SLC4A4: variants seen among roughly 807,000 people sequenced by gnomAD.
SLC4A4 encodes solute carrier family 4 member 4.
A neutral mutation model predicts 111.5 loss-of-function variants in SLC4A4; 27 were observed. The ratio of observed to expected loss-of-function variants is 0.24; its 90% CI spans 0.18 to 0.33. The LOEUF is 0.33. Among genes scored for constraint, SLC4A4 ranks in the 10% least tolerant of loss-of-function variants. SLC4A4 has a pLI of 1.00. For missense variants in SLC4A4, 909 were observed against 1,315.5 expected (o/e 0.69, Z 4.78); for synonymous variants, 443 against 463.4 (o/e 0.96, Z 0.57).
chr4:71,561,691 G>C (rs963746377), intron 23 of SLC4A4, among the ~76,000 whole-genome samples: 2 of 151,742 alleles, frequency 1.3e-5, no homozygotes, highest in Non-Finnish European at 3.0e-5. Flanking sequence ...GACAGAAAAA[G>C]AATGTGTTTA....
chr4:71,221,097 C>T (rs1360874256), intron 1 of SLC4A4, among the ~76,000 whole-genome samples: 6 of 152,264 alleles, frequency 3.9e-5, no homozygotes, highest in African/African-American at 7.2e-5. Flanking sequence ...TTGGTACCAC[C>T]CTTTCTTTAT....
intron 9 of SLC4A4, among the ~76,000 whole-genome samples, chr4:71,448,103 TGAGGTCAGGAGTTC>T (rs1725399877): frequency 6.6e-6 from 1 of 152,132 alleles, no homozygotes; most frequent in Non-Finnish European, 1.5e-5. Context: ...GCAGATCACC[TGAGGTCAGGAGTTC>T]GAGACCAGCC....
intron 2 of SLC4A4, among the ~76,000 whole-genome samples, chr4:71,109,774 C>T (rs1423779376): frequency 6.6e-6 from 1 of 152,014 alleles, no homozygotes; most frequent in African/African-American, 2.4e-5. Flanking sequence ...AAACCCTGAC[C>T]CCAAGTGATC....
At chr4:71,132,352 A>G (rs1168624107) in intron 2 of SLC4A4, among the ~76,000 whole-genome samples, 1 of 152,194 alleles carries the variant, frequency 6.6e-6, no homozygotes, top group African/African-American at 2.4e-5. Context: ...CTCAGCTCAA[A>G]GAAAGCTGCA....
intron 5 of SLC4A4, among the ~76,000 whole-genome samples, chr4:71,353,728 T>A (rs945427492): frequency 6.6e-6 from 1 of 152,152 alleles, no homozygotes; most frequent in African/African-American, 2.4e-5. Flanking sequence ...CACCCCAATT[T>A]TATATCAACA....
At position 71,357,086 on chromosome 4, in the gene SLC4A4, G is replaced by A. The variant is rs964627894; in HGVS notation, c.629G>A (p.Arg210Gln). The change falls in exon 6 of 26, where the codon CGG (arginine) becomes CAG (glutamine). Residue 210 changes from arginine (R) to glutamine (Q), a missense_variant. Arg to Gln is a conservative substitution (Grantham distance 43, BLOSUM62 1). Coordinates refer to ENST00000264485, the MANE Select transcript of SLC4A4 (RefSeq NM_001098484.3). ...LKDKVTYTLL[R>Q]KHRHQTKKSN... Reference sequence around the variant, plus strand: ...GATAAGGTGACCTATACTTTGCTCCGGAAGCACCGGCATCAAACCAAGAAA... The same window carrying A: ...GATAAGGTGACCTATACTTTGCTCCAGAAGCACCGGCATCAAACCAAGAAA... 3.1e-6 allele frequency: 5 copies of A among 1,614,044 alleles called. No individual in the cohort carries two copies. The highest frequency in any genetic ancestry group is 3.3e-5 in the Admixed American group (2 of 60,002).
chr4:71,477,630 A>G (rs185297835), intron 14 of SLC4A4, among the ~76,000 whole-genome samples: 2 of 151,968 alleles, frequency 1.3e-5, no homozygotes, highest in East Asian at 3.9e-4. Flanking sequence ...AAAAGGCTTT[A>G]AAGTCTAGGG....
At chr4:71,563,715 C>T (rs958080420) in intron 23 of SLC4A4, 78 bp from the exon 24 acceptor site, 71 of 897,840 alleles carry the variant, frequency 7.9e-5, no homozygotes, top group East Asian at 4.3e-4. Context: ...TTATAGAAAA[C>T]GGTTTGATCG....
intron 2 of SLC4A4, among the ~76,000 whole-genome samples, chr4:71,180,697 A>G (rs2148987510): frequency 6.6e-6 from 1 of 152,332 alleles, no homozygotes; most frequent in Non-Finnish European, 1.5e-5. Context: ...AAGTCAGGAA[A>G]CAACAGGTGC....
In SLC4A4 at chr4:71,231,300, C is replaced by T. The variant is rs561562122; in HGVS notation, c.-1-5276C>T. Among the ~76,000 whole-genome samples, 207 of 152,258 alleles carry T rather than the reference C, an allele frequency of 1.4e-3. 2 individuals carry two copies. Among genetic ancestry groups the T allele is most frequent in the African/African-American group, 4.9e-3 (202 of 41,544 alleles). On this transcript the variant is annotated intron_variant, in intron 1 of 25. Transcript: ENST00000264485. ...TGAGCACGTTGGCAGTTGGCATGGG[C>T]TCTGGGGGTGGGAACTTAGAGGGGT...
At chr4:71,133,552 C>A (rs1235700574) in intron 2 of SLC4A4, among the ~76,000 whole-genome samples, 1 of 152,136 alleles carries the variant, frequency 6.6e-6, no homozygotes, top group Non-Finnish European at 1.5e-5. Context: ...CCAGGGTAGT[C>A]GTATTCCTTA....
rs1043430869 is a variant in SLC4A4 at position 71,476,520 on chromosome 4, A to G, written c.1903+3550A>G. ...CCTGCAAACTGAGAAATGATTTTAC[A>G]GGAATGGAAATAGGGGCCACTAATT... On this transcript the variant is annotated intron_variant, in intron 14 of 25. Transcript: ENST00000264485. Among the ~76,000 whole-genome samples, 4 of 151,854 alleles carry G rather than the reference A, an allele frequency of 2.6e-5. No individual in the cohort carries two copies. The East Asian group carries it at 5.9e-4, about 22-fold the overall frequency.
intron 3 of SLC4A4, among the ~76,000 whole-genome samples, chr4:71,311,639 G>A (rs1726174242): frequency 6.6e-6 from 1 of 152,034 alleles, no homozygotes; most frequent in African/African-American, 2.4e-5. Context: ...AAACCTATGA[G>A]AACAAAGACA....
At chr4:71,376,081 A>G (rs759769078) in intron 6 of SLC4A4, among the ~76,000 whole-genome samples, 11 of 149,718 alleles carry the variant, frequency 7.3e-5, no homozygotes, top group Non-Finnish European at 1.0e-4. Flanking sequence ...ACACGTATAT[A>G]TATACATATA....
At chr4:71,544,035 C>G (rs1252198613) in intron 18 of SLC4A4, among the ~76,000 whole-genome samples, 1 of 151,770 alleles carries the variant, frequency 6.6e-6, no homozygotes, top group East Asian at 1.9e-4. Flanking sequence ...ATTCAGAATA[C>G]AGAGAAAAAA....
intron 18 of SLC4A4, among the ~76,000 whole-genome samples, chr4:71,540,959 C>A (rs1734994626): frequency 6.6e-6 from 1 of 152,112 alleles, no homozygotes; most frequent in African/African-American, 2.4e-5. Context: ...AACAAAGTTT[C>A]TGAACTTCAG....
At chr4:71,146,029 A>T (rs1323271928) in intron 2 of SLC4A4, among the ~76,000 whole-genome samples, 1 of 151,534 alleles carries the variant, frequency 6.6e-6, no homozygotes, top group African/African-American at 2.4e-5. Context: ...AGTTCTTTTA[A>T]TTGTGATGTT....
chr4:71,512,643 A>T (rs1397151236), intron 16 of SLC4A4, among the ~76,000 whole-genome samples: 1 of 151,938 alleles, frequency 6.6e-6, no homozygotes, highest in Non-Finnish European at 1.5e-5. Context: ...TTTGGTTTAA[A>T]TCCCACTTGT....
At chr4:71,109,066 G>T in intron 2 of SLC4A4, among the ~76,000 whole-genome samples, 1 of 151,732 alleles carries the variant, frequency 6.6e-6, no homozygotes, top group African/African-American at 2.4e-5. Context: ...GTGATTTTTT[G>T]TTGAAATCTG....
Sources: gnomAD v4.1 joint callset for allele counts (sites outside exome capture counted in the v4.1 genomes callset) on GRCh38, gnomAD v4.1.1 for gene constraint, MANE v1.5 for transcripts, NCBI Gene and HGNC (gene_info 2026-07-23, HGNC 2026-07-21) for gene names.